Variants in EXTL3 observed in about 807,000 individuals in gnomAD.
EXTL3 encodes the protein exostosin-like 3.
A neutral mutation model predicts 69.3 loss-of-function variants in EXTL3; 27 were observed. That is an observed-to-expected ratio of 0.39 (90% confidence interval 0.29 to 0.54). The LOEUF is 0.54. Among genes scored for constraint, EXTL3 ranks in the 20% least tolerant of loss-of-function variants. The pLI is 0.69. For missense variants in EXTL3, 1,003 were observed against 1,231.8 expected, an observed-to-expected ratio of 0.81 and a Z score of 2.78; for synonymous variants, 511 against 499.4, an observed-to-expected ratio of 1.02 and a Z score of -0.31.
intron 3 of EXTL3, among the ~76,000 whole-genome samples, chr8:28,723,786 C>T (rs568827700): frequency 3.9e-5 from 6 of 151,934 alleles, no homozygotes; most frequent in African/African-American, 9.7e-5. Flanking sequence ...GGACTACAGG[C>T]GCATACCACC....
At chr8:28,648,528 A>G (rs781073180) in intron 1 of EXTL3, among the ~76,000 whole-genome samples, 6 of 152,196 alleles carry the variant, frequency 3.9e-5, no homozygotes, top group Non-Finnish European at 7.3e-5. Flanking sequence ...TTGACACATC[A>G]TAACATTCTG....
At chr8:28,718,350 C>A (rs905981115) in intron 3 of EXTL3, 143 bp downstream of exon 3, 2 of 868,070 alleles carry the variant, frequency 2.3e-6, no homozygotes, top group Non-Finnish European at 3.7e-6. Context: ...GTATAGATTC[C>A]TTTCTTCCTG....
At chr8:28,619,227 A>C, upstream of EXTL3, among the ~76,000 whole-genome samples, 1 of 132,228 alleles carries the variant, frequency 7.6e-6, no homozygotes, top group South Asian at 2.6e-4. Flanking sequence ...CCAAGTCTCT[A>C]AACTGGGGAG....
intron 1 of EXTL3, among the ~76,000 whole-genome samples, chr8:28,689,893 A>G (rs1464790533): frequency 6.6e-6 from 1 of 152,222 alleles, no homozygotes; most frequent in Non-Finnish European, 1.5e-5. Flanking sequence ...AATACAAGAA[A>G]AGTAGAAAAA....
At chr8:28,749,279 C>A (rs1241902493) in intron 6 of EXTL3, among the ~76,000 whole-genome samples, 3 of 151,864 alleles carry the variant, frequency 2.0e-5, no homozygotes, top group Non-Finnish European at 2.9e-5. Context: ...AAATTAGTAA[C>A]CTGAAAACAT....
At chr8:28,712,741 G>A (rs1801055837) in intron 1 of EXTL3, among the ~76,000 whole-genome samples, 2 of 152,206 alleles carry the variant, frequency 1.3e-5, no homozygotes, top group African/African-American at 2.4e-5. Flanking sequence ...GGAATTTAGT[G>A]GGGATGCATT....
intron 2 of EXTL3, among the ~76,000 whole-genome samples, chr8:28,613,497 T>C (rs1228642330): frequency 6.6e-6 from 1 of 152,180 alleles, no homozygotes; most frequent in East Asian, 1.9e-4. Context: ...CTATCTTTTA[T>C]AGAATGAAAT....
chr8:28,668,168 G>C (rs1585240750), intron 1 of EXTL3, among the ~76,000 whole-genome samples: 1 of 150,814 alleles, frequency 6.6e-6, no homozygotes, highest in African/African-American at 2.4e-5. Flanking sequence ...TTGTGAGGCT[G>C]ACGTGAGAGG....
chr8:28,693,499 A>G (rs1397427001), intron 1 of EXTL3, among the ~76,000 whole-genome samples: 1 of 151,738 alleles, frequency 6.6e-6, no homozygotes, highest in African/African-American at 2.4e-5. Context: ...TGAAACTTGA[A>G]TGTTTATTTT....
intron 6 of EXTL3, among the ~76,000 whole-genome samples, chr8:28,745,319 C>G (rs1801867172): frequency 6.6e-6 from 1 of 152,200 alleles, no homozygotes. Context: ...GGATGTCACT[C>G]CTGATTGTCC....
chr8:28,723,171 C>T (rs777310138), intron 3 of EXTL3, among the ~76,000 whole-genome samples: 21 of 152,136 alleles, frequency 1.4e-4, no homozygotes, highest in Non-Finnish European at 2.4e-4. Context: ...ACGAATGAGA[C>T]GATAATTTCC....
chr8:28,742,120 C>T (rs1801793233), intron 5 of EXTL3: 1 of 152,098 alleles, frequency 6.6e-6, no homozygotes, highest in African/African-American at 2.4e-5. Flanking sequence ...AGTTGTACAC[C>T]ATTACATAGT....
At chr8:28,614,245 C>T (rs796876357) in intron 2 of EXTL3, among the ~76,000 whole-genome samples, 2 of 130,218 alleles carry the variant, frequency 1.5e-5, no homozygotes, top group African/African-American at 5.6e-5. Context: ...TATTTGTTTT[C>T]TTCTGTTTAC....
chr8:28,694,643 A>G (rs1307550749), intron 1 of EXTL3, among the ~76,000 whole-genome samples: 1 of 152,164 alleles, frequency 6.6e-6, no homozygotes, highest in African/African-American at 2.4e-5. Context: ...AGGACTAATA[A>G]TGGTCCTTAT....
intron 1 of EXTL3, among the ~76,000 whole-genome samples, chr8:28,662,286 C>A (rs1431448316): frequency 6.6e-6 from 1 of 151,904 alleles, no homozygotes; most frequent in Admixed American, 6.6e-5. Flanking sequence ...ATATTTTTAT[C>A]CTTGAAAGTC....
At chr8:28,640,102 A>G (rs940168994) in intron 1 of EXTL3, among the ~76,000 whole-genome samples, 2 of 151,990 alleles carry the variant, frequency 1.3e-5, no homozygotes, top group Non-Finnish European at 2.9e-5. Flanking sequence ...TCTGTCTCAA[A>G]AAAAGAAGAA....
chr8:28,668,817 T>C (rs200302324), intron 1 of EXTL3, among the ~76,000 whole-genome samples: 2 of 151,252 alleles, frequency 1.3e-5, no homozygotes, highest in East Asian at 3.9e-4. Context: ...AAGCATCTAA[T>C]ATGCACCAGT....
intron 1 of EXTL3, among the ~76,000 whole-genome samples, chr8:28,627,760 A>G (rs1355523324): frequency 6.6e-6 from 1 of 152,222 alleles, no homozygotes; most frequent in African/African-American, 2.4e-5. Flanking sequence ...TTAGCCTTAA[A>G]AAGGAAGTTC....
At chr8:28,706,279 G>GT (rs1345416598) in intron 1 of EXTL3, among the ~76,000 whole-genome samples, 4 of 151,956 alleles carry the variant, frequency 2.6e-5, no homozygotes, top group African/African-American at 4.8e-5. Context: ...AATTTTGAAG[G>GT]TTTTTTTCTT....
Sources: gnomAD v4.1 joint callset for allele counts (sites outside exome capture counted in the v4.1 genomes callset) on GRCh38, gnomAD v4.1.1 for gene constraint, MANE v1.5 for transcripts, NCBI Gene and HGNC (gene_info 2026-07-23, HGNC 2026-07-21) for gene names.